The following ADCY10 variants were observed in gnomAD, a reference collection of about 807,000 sequenced individuals.
The protein encoded by ADCY10 is adenylate cyclase type 10.
A neutral mutation model predicts 183.3 loss-of-function variants in ADCY10; 156 were observed. That is an observed-to-expected ratio of 0.85 (90% confidence interval 0.75 to 0.97). The LOEUF (loss-of-function observed/expected upper bound fraction) is 0.97, where lower values mean the gene tolerates loss of function less well. Among genes scored for constraint, ADCY10 ranks in the 50% least tolerant of loss-of-function variants. The pLI is 0.00. For missense variants in ADCY10, 1,745 were observed against 1,934.3 expected (o/e 0.90, Z 1.84); for synonymous variants, 645 against 670.0 (o/e 0.96, Z 0.58).
chr1:167,818,981 A>C (rs1247731986), intron 30 of ADCY10, among the ~76,000 whole-genome samples: 1 of 152,210 alleles, frequency 6.6e-6, no homozygotes, highest in African/African-American at 2.4e-5. Context: ...TGGCATCATC[A>C]GTATCACCTG....
intron 17 of ADCY10, among the ~76,000 whole-genome samples, chr1:167,855,883 A>G (rs1665851360): frequency 6.6e-6 from 1 of 152,178 alleles, no homozygotes; most frequent in South Asian, 2.1e-4. Context: ...GCACACCTGT[A>G]GTTCTGGTAC....
At chr1:167,858,195 T>C (rs1394828285) in intron 16 of ADCY10, among the ~76,000 whole-genome samples, 1 of 152,090 alleles carries the variant, frequency 6.6e-6, no homozygotes, top group African/African-American at 2.4e-5. Context: ...GTTAAGAGAC[T>C]CTCTGTTCTT....
chr1:167,837,345 G>A, intron 21 of ADCY10, 27 bp from the exon 22 acceptor site: 1 of 1,574,536 alleles, frequency 6.4e-7, no homozygotes, highest in Non-Finnish European at 8.7e-7. Flanking sequence ...TGAGTTGTAT[G>A]GGTCATTGAA....
intron 21 of ADCY10, among the ~76,000 whole-genome samples, chr1:167,837,805 A>G (rs887452929): frequency 6.6e-6 from 1 of 152,226 alleles, no homozygotes; most frequent in Non-Finnish European, 1.5e-5. Context: ...AAACCTGAAG[A>G]AAGTGACATC....
chr1:167,878,360 A>G lies in ADCY10; in HGVS notation c.1406+86T>C, dbSNP rs1400657002. On this transcript the variant is annotated intron_variant, in intron 12 of 32. Transcript: ENST00000367851. ...GATTTCAACTTTTTGAACTGGCTCCAAATCTTAAATGGGTGACTGCTTTGC... is the reference window on the plus strand; with the variant it reads ...GATTTCAACTTTTTGAACTGGCTCCGAATCTTAAATGGGTGACTGCTTTGC... The G allele has an allele frequency of 5.4e-6, 8 of 1,492,232 alleles. 1 individual carries two copies. Among genetic ancestry groups the G allele is most frequent in the Middle Eastern group, 2.4e-4 (1 of 4,218 alleles). 92.4% of individuals were successfully genotyped at this position (1,492,232 alleles called of 1,614,324 possible). A position where few individuals can be genotyped will look rare whatever the true frequency, so the allele number is the denominator to read the frequency against.
At chr1:167,854,865 A>G (rs1665771535) in intron 17 of ADCY10, among the ~76,000 whole-genome samples, 1 of 152,218 alleles carries the variant, frequency 6.6e-6, no homozygotes. Context: ...ACCGACAGAA[A>G]GAATGAGTGC....
intron 14 of ADCY10, among the ~76,000 whole-genome samples, chr1:167,862,578 A>T (rs1353128140): frequency 6.6e-6 from 1 of 152,194 alleles, no homozygotes; most frequent in Non-Finnish European, 1.5e-5. Context: ...GTTGTAAGCC[A>T]TCCATTTGTA....
intron 18 of ADCY10, among the ~76,000 whole-genome samples, chr1:167,851,006 AT>A (rs1449856914): frequency 6.6e-6 from 1 of 152,122 alleles, no homozygotes; most frequent in African/African-American, 2.4e-5. Flanking sequence ...GATAGACAGA[AT>A]GTACTCCCTA....
At chr1:167,901,409 T>A (rs1339459724) in intron 5 of ADCY10, among the ~76,000 whole-genome samples, 1 of 152,218 alleles carries the variant, frequency 6.6e-6, no homozygotes, top group Non-Finnish European at 1.5e-5. Context: ...GTGGTTCCTA[T>A]GCATTAACTA....
intron 1 of ADCY10, among the ~76,000 whole-genome samples, chr1:167,909,481 C>A (rs547251723): frequency 6.6e-6 from 1 of 152,134 alleles, no homozygotes; most frequent in Non-Finnish European, 1.5e-5. Context: ...GGGCCACATG[C>A]GGTCCAGGAT....
intron 21 of ADCY10, among the ~76,000 whole-genome samples, chr1:167,842,201 A>G (rs1664701524): frequency 6.6e-6 from 1 of 152,180 alleles, no homozygotes; most frequent in Non-Finnish European, 1.5e-5. Flanking sequence ...AGCAGTGGCC[A>G]TGATCACGGC....
intron 32 of ADCY10, among the ~76,000 whole-genome samples, chr1:167,810,349 A>G (rs1355907821): frequency 6.6e-6 from 1 of 152,172 alleles, no homozygotes; most frequent in Non-Finnish European, 1.5e-5. Context: ...CCTGAAATTC[A>G]TATGTTGAAA....
intron 13 of ADCY10, among the ~76,000 whole-genome samples, chr1:167,871,746 T>C (rs1667120369): frequency 6.6e-6 from 1 of 152,234 alleles, no homozygotes; most frequent in African/African-American, 2.4e-5. Context: ...GCTAAGTGCT[T>C]TGCTTGGTAA....
In ADCY10 at chr1:167,878,553, A is replaced by T; in HGVS notation, c.1299T>A (p.Asn433Lys). ...AAAAGTACGCTGGTAGGTTGCTCCC[A>T]TTGTAGGTGACAGAGTCGCAGGTCA... ...GIVTCDSVTYNGSNLPAYFFK... is the reference protein window; with the variant it reads ...GIVTCDSVTYKGSNLPAYFFK... The change falls in exon 12 of 33, where the codon AAT (asparagine) becomes AAA (lysine). Residue 433 changes from asparagine (N) to lysine (K), a missense_variant. Physicochemically the swap from Asn to Lys is moderately conservative, Grantham distance 94. Coordinates refer to ENST00000367851, the MANE Select transcript of ADCY10 (RefSeq NM_018417.6). 1.2e-6 allele frequency: 2 copies of T among 1,614,168 alleles called. No individual in the cohort carries two copies. Among genetic ancestry groups the T allele is most frequent in the South Asian group, 2.2e-5 (2 of 91,080 alleles).
chr1:167,815,057 G>A (rs1461848953), intron 31 of ADCY10, among the ~76,000 whole-genome samples: 2 of 151,978 alleles, frequency 1.3e-5, no homozygotes, highest in East Asian at 1.9e-4. Flanking sequence ...CCTAGGAGAC[G>A]GAGGTTGCAG....
intron 30 of ADCY10, chr1:167,820,007 ACTTTCTT>A (rs1662787041): frequency 6.5e-7 from 1 of 1,542,650 alleles, no homozygotes; most frequent in Admixed American, 1.7e-5. Context: ...TCTCCTTGGG[ACTTTCTT>A]CTTTTTTCCT....
intron 17 of ADCY10, 116 bp from the exon 18 acceptor site, chr1:167,854,605 TGTTTGTTTTCAG>T: frequency 7.3e-7 from 1 of 1,372,812 alleles, no homozygotes; most frequent in Non-Finnish European, 1.0e-6. Flanking sequence ...CATTTGTTTC[TGTTTGTTTTCAG>T]TTTTGAGGCA....
At chr1:167,901,853 A>T (rs1174705299) in intron 4 of ADCY10, 48 bp from the exon 5 acceptor site, 1 of 1,613,918 alleles carries the variant, frequency 6.2e-7, no homozygotes, top group Admixed American at 1.7e-5. Context: ...CTGGGGATCA[A>T]TCTATTTTGT....
rs1663538673 is a variant in ADCY10 at position 167,829,294 on chromosome 1, A to G, written c.3723T>C (p.Thr1241=). The change falls in exon 26 of 33, where the codon ACT becomes ACC. Residue 1241 remains threonine, a synonymous_variant. Transcript: ENST00000367851. ...GGAAACAATTTTGAGTTTCCAGTGC[A>G]GTATTCATTTGCATCATAACTGCCA... ...AHLAVMMQMN[T]ALETQNCFQI... is the part of the protein sequence containing the mutation. 2 of 1,614,128 alleles carry G rather than the reference A, an allele frequency of 1.2e-6. No homozygotes were observed. The highest frequency in any genetic ancestry group is 1.7e-6 in the Non-Finnish European group (2 of 1,179,942).
Sources: gnomAD v4.1 joint callset for allele counts (sites outside exome capture counted in the v4.1 genomes callset) on GRCh38, gnomAD v4.1.1 for gene constraint, MANE v1.5 for transcripts, NCBI Gene and HGNC (gene_info 2026-07-23, HGNC 2026-07-21) for gene names.